NIBAN3: variants seen among roughly 807,000 people sequenced by gnomAD.
NIBAN3 encodes niban apoptosis regulator 3, also known as protein Niban 3.
A neutral mutation model predicts 76.4 loss-of-function variants in NIBAN3; 66 were observed. The observed-to-expected ratio is 0.86, with a 90% confidence interval of 0.71 to 1.06. The LOEUF is 1.06. Among genes scored for constraint, NIBAN3 ranks in the 50% least tolerant of loss-of-function variants. The probability of loss-of-function intolerance (pLI) is 0.00; values close to 1 mark genes in which losing one functional copy is unlikely to be tolerated. For synonymous variants in NIBAN3, 360 were observed against 355.2 expected, an observed-to-expected ratio of 1.01 and a Z score of -0.15; for missense variants, 808 against 810.7, an observed-to-expected ratio of 1.00 and a Z score of 0.04.
intron 5 of NIBAN3, 31 bp downstream of exon 5, chr19:17,537,574 G>C (rs1207626856): frequency 2.0e-6 from 3 of 1,537,836 alleles, no homozygotes; most frequent in East Asian, 4.5e-5. Flanking sequence ...GACATTTGTG[G>C]GGCTAATGGT....
Position 17,537,439 on chromosome 19 carries a change from T to C in NIBAN3, c.491T>C (p.Leu164Pro). The C allele has an allele frequency of 6.2e-7, 1 of 1,614,120 alleles. No individual in the cohort carries two copies. Among genetic ancestry groups the C allele is most frequent in the East Asian group, 2.2e-5 (1 of 44,878 alleles). ...GTGCCTGTGAGCTTCCCGCTGTTCCTGCAGCACCCCTTCCGCCGGCACCTC... is the reference window on the plus strand; with the variant it reads ...GTGCCTGTGAGCTTCCCGCTGTTCCCGCAGCACCCCTTCCGCCGGCACCTC... ...LEVPVSFPLFLQHPFRRHLCF... is the reference protein window; with the variant it reads ...LEVPVSFPLFPQHPFRRHLCF... The change falls in exon 5 of 15, where the codon CTG becomes CCG. Residue 164 changes from leucine (L) to proline (P), a missense_variant. By Grantham distance (98) the Leu-to-Pro change is moderately conservative. Coordinates refer to ENST00000599164, the MANE Select transcript of NIBAN3 (RefSeq NM_001321827.2).
At chr19:17,537,336 A>C (rs1286073793) in intron 4 of NIBAN3, 40 bp from the exon 5 acceptor site, 3 of 1,593,646 alleles carry the variant, frequency 1.9e-6, no homozygotes, top group Admixed American at 1.7e-5. Context: ...TCTCCTAGTG[A>C]ATGAACGTCT....
intron 6 of NIBAN3, 26 bp downstream of exon 6, chr19:17,539,291 G>T: frequency 6.4e-7 from 1 of 1,571,988 alleles, no homozygotes; most frequent in Non-Finnish European, 8.6e-7. Context: ...GGCCGCACCC[G>T]GGACCCCCAG....
chr19:17,537,384 A>G lies in NIBAN3; in HGVS notation c.436A>G (p.Thr146Ala). ...ALCPESLGDH[T>A]QEEPDSLLEV... ...CTCCTGTTTGTTTTCAGGAGACCAT[A>G]CTCAGGAAGAGCCTGACTCCCTCTT... is the stretch of plus-strand genomic sequence containing the variant. Residue 146 changes from threonine (T) to alanine (A), a missense_variant, in exon 5 of 15, where the codon ACT (threonine) becomes GCT (alanine). By Grantham distance (58) the Thr-to-Ala change is moderately conservative. Coordinates refer to ENST00000599164, the MANE Select transcript of NIBAN3 (RefSeq NM_001321827.2). The G allele has an allele frequency of 6.2e-7, 1 of 1,613,476 alleles. No homozygotes were observed. Among genetic ancestry groups the G allele is most frequent in the African/African-American group, 1.3e-5 (1 of 74,984 alleles).
rs1047718660 is a variant in NIBAN3 at position 17,534,557 on chromosome 19, T to G, written c.427+856T>G. On this transcript the variant is annotated intron_variant, in intron 4 of 14. Transcript: ENST00000599164. Reference sequence around the variant, plus strand: ...CTGTAATCCCAGCACTTTGGGAGGCTGAGGCGGGCAGATCATGAAGTCAGG... The same window carrying G: ...CTGTAATCCCAGCACTTTGGGAGGCGGAGGCGGGCAGATCATGAAGTCAGG... Among the ~76,000 whole-genome samples the G allele has an allele frequency of 1.1e-4, 16 of 152,136 alleles. No individual in the cohort carries two copies. The East Asian group carries it at 3.1e-3, about 29-fold the overall frequency.
At chr19:17,527,417 A>C in intron 1 of NIBAN3, 22 bp downstream of exon 1, 13 of 763,256 alleles carry the variant, frequency 1.7e-5, no homozygotes, top group East Asian at 5.3e-5. Context: ...GGGAGGGGAC[A>C]GGGTGGGAGT....
At chr19:17,525,250 C>T (rs940623250), upstream of NIBAN3, among the ~76,000 whole-genome samples, 1 of 152,202 alleles carries the variant, frequency 6.6e-6, no homozygotes, top group African/African-American at 2.4e-5. Context: ...TGACACTCCC[C>T]TCATCAGAAA....
chr19:17,555,095 A>T (rs889157923), downstream of NIBAN3, among the ~76,000 whole-genome samples: 3 of 152,070 alleles, frequency 2.0e-5, no homozygotes, highest in African/African-American at 7.2e-5. Flanking sequence ...CTCTATTTTC[A>T]CGCCAACCCT....
intron 5 of NIBAN3, among the ~76,000 whole-genome samples, chr19:17,538,731 CAAGA>C (rs200278954): frequency 0.071 from 4,801 of 67,886 alleles, 220 homozygotes; most frequent in African/African-American, 0.2. Context: ...AGAAAGAAAG[CAAGA>C]AAGAAAGAAA....
chr19:17,543,370 G>A lies in NIBAN3; in HGVS notation c.1383G>A (p.Thr461=), dbSNP rs750474277. 1.4e-5 allele frequency: 22 copies of A among 1,598,982 alleles called. No homozygotes were observed. The East Asian group carries it at 3.8e-4, about 28-fold the overall frequency. The change falls in exon 11 of 15, where the codon ACG becomes ACA. Residue 461 remains threonine (T), a synonymous_variant. Transcript: ENST00000599164. ...TGCAGCTGGCTGACCAGTGTCTGAC[G>A]ACGGCCCTCAACTGTGACCAGGCTG... is the stretch of plus-strand genomic sequence containing the variant. ...TFLQLADQCL[T]TALNCDQAAQ...
chr19:17,532,036 AT>A (rs1303131851), intron 2 of NIBAN3, among the ~76,000 whole-genome samples: 1 of 152,116 alleles, frequency 6.6e-6, no homozygotes, highest in Non-Finnish European at 1.5e-5. Flanking sequence ...TGGGGCTGAG[AT>A]TTTTTGCCTC....
upstream of NIBAN3, chr19:17,523,410 C>A: frequency 6.5e-7 from 1 of 1,548,574 alleles, no homozygotes. Flanking sequence ...TCCCGGCAGG[C>A]CACTCAGATG....
At chr19:17,528,180 C>T (rs1271899075) in intron 1 of NIBAN3, among the ~76,000 whole-genome samples, 1 of 152,068 alleles carries the variant, frequency 6.6e-6, no homozygotes, top group African/African-American at 2.4e-5. Flanking sequence ...CAACCTCCGC[C>T]TCCAGGATTC....
At chr19:17,553,800 A>C, downstream of NIBAN3, 2 of 423,786 alleles carry the variant, frequency 4.7e-6, no homozygotes, top group South Asian at 8.7e-5. Flanking sequence ...GTATCTTGTC[A>C]CCTCCTTTTT....
Position 17,553,145 on chromosome 19 carries a change from G to T in NIBAN3, c.*1247G>T, listed in dbSNP as rs1444405968. ...TAGTTTTTTTTTTTTTAATTTCAGTGAATTGCCTGTTCATAGCTTTTTTCT... is the reference window on the plus strand; with the variant it reads ...TAGTTTTTTTTTTTTTAATTTCAGTTAATTGCCTGTTCATAGCTTTTTTCT... On this transcript the variant is annotated 3_prime_UTR_variant, in exon 15 of 15. Transcript: ENST00000599164. 2 of 929,208 alleles carry T rather than the reference G, an allele frequency of 2.2e-6. No individual in the cohort carries two copies. Among genetic ancestry groups the T allele is most frequent in the Non-Finnish European group, 3.1e-6 (2 of 648,730 alleles). 57.6% of individuals were successfully genotyped at this position (929,208 alleles called of 1,614,324 possible).
At chr19:17,525,071 C>T (rs2075591461), upstream of NIBAN3, among the ~76,000 whole-genome samples, 5 of 152,174 alleles carry the variant, frequency 3.3e-5, no homozygotes, top group Admixed American at 6.6e-5. Flanking sequence ...ATGACCTGCC[C>T]GCCTGCCTCA....
chr19:17,544,169 C>A (rs1234421062), intron 12 of NIBAN3, among the ~76,000 whole-genome samples: 1 of 151,798 alleles, frequency 6.6e-6, no homozygotes, highest in African/African-American at 2.4e-5. Context: ...CAGCATGTGC[C>A]TGTGGTCCCA....
Position 17,542,634 on chromosome 19 carries a change from G to A in NIBAN3, c.1329+340G>A, listed in dbSNP as rs1214570270. Among the ~76,000 whole-genome samples the A allele has an allele frequency of 1.3e-5, 2 of 152,204 alleles. No individual in the cohort carries two copies. Among genetic ancestry groups the A allele is most frequent in the African/African-American group, 2.4e-5 (1 of 41,456 alleles). ...GAGTGCTTGTCTGCATTTGGGGAAC[G>A]TGGAGCAATTTTTCAGAAATGGGGA... On this transcript the variant is annotated intron_variant, in intron 10 of 14. Transcript: ENST00000599164. This position sits in a 1 kb window ranked among gnomAD's most constrained non-coding sequence, Gnocchi z 4.8.
chr19:17,525,073 C>T (rs956989479), upstream of NIBAN3, among the ~76,000 whole-genome samples: 1 of 152,200 alleles, frequency 6.6e-6, no homozygotes, highest in African/African-American at 2.4e-5. Context: ...GACCTGCCCG[C>T]CTGCCTCAGG....
Sources: allele counts gnomAD v4.1 joint callset (sites outside exome capture counted in the v4.1 genomes callset), GRCh38; gene constraint gnomAD v4.1.1; non-coding constraint Gnocchi (gnomAD v3.1); transcripts MANE v1.5; gene names NCBI Gene and HGNC (gene_info 2026-07-23, HGNC 2026-07-21).